PITPNM3: variants seen among roughly 807,000 people sequenced by gnomAD.
PITPNM3 encodes PITPNM family member 3.
In PITPNM3, 26 loss-of-function variants were observed where a neutral mutation model predicts 102.0. The ratio of observed to expected loss-of-function variants is 0.25; its 90% CI spans 0.19 to 0.35. The LOEUF (loss-of-function observed/expected upper bound fraction) is 0.35, where lower values mean the gene tolerates loss of function less well. Among genes scored for constraint, PITPNM3 ranks in the 10% least tolerant of loss-of-function variants. The pLI is 1.00. For synonymous variants in PITPNM3, 578 were observed against 558.6 expected (o/e 1.03, Z -0.49); for missense variants, 1,083 against 1,346.1 (o/e 0.80, Z 3.06).
At chr17:6,518,930 C>A (rs1470330959) in intron 3 of PITPNM3, among the ~76,000 whole-genome samples, 1 of 152,164 alleles carries the variant, frequency 6.6e-6, no homozygotes, top group Non-Finnish European at 1.5e-5. Context: ...CAGTCAGGAT[C>A]CAACCAGAAA....
In PITPNM3 at chr17:6,472,677, T is replaced by A. The variant is rs2150726704; in HGVS notation, c.1409A>T (p.Asp470Val). The change falls in exon 11 of 20, where the codon GAT becomes GTT. Residue 470 changes from aspartate to valine, a missense_variant. This residue lies in a region of PITPNM3 where 410 missense variants were observed against 638.4 expected (regional missense o/e 0.64). Transcript: ENST00000262483. The surrounding 1 kb of genome is among the most constrained non-coding windows in gnomAD (Gnocchi z 4.1). ...CCTACCGAGGAGGAGGGACTGCCCA[T>A]CGCCCAGTGGGAACCTCTGGTAGCG... Reference protein sequence around the residue: ...VPRYQRFPLGDGQSLLLADAL... With the variant: ...VPRYQRFPLGVGQSLLLADAL... 2 of 1,613,300 alleles carry A rather than the reference T, an allele frequency of 1.2e-6. No homozygotes were observed. Among genetic ancestry groups the A allele is most frequent in the Non-Finnish European group, 1.7e-6 (2 of 1,179,852 alleles).
In PITPNM3 at chr17:6,483,578, T is replaced by C; in HGVS notation, c.526A>G (p.Ile176Val). ...RAHFPAALGH[I>V]LIKFVPCPAI... ...GGACAGGGGACGAACTTGATGAGGA[T>C]GTGGCCCAGGGCAGCAGGGAAATGG... Residue 176 changes from isoleucine to valine, a missense_variant, in exon 6 of 20, where the codon ATC becomes GTC. Physicochemically the swap from Ile to Val is conservative, Grantham distance 29 (BLOSUM62 3). Coordinates refer to ENST00000262483, the MANE Select transcript of PITPNM3 (RefSeq NM_031220.4). The C allele has an allele frequency of 6.2e-7, 1 of 1,613,968 alleles. No individual in the cohort carries two copies. The highest frequency in any genetic ancestry group is 8.5e-7 in the Non-Finnish European group (1 of 1,179,984).
intron 4 of PITPNM3, among the ~76,000 whole-genome samples, chr17:6,496,578 C>T (rs560756122): frequency 7.9e-5 from 12 of 152,278 alleles, no homozygotes; most frequent in South Asian, 2.1e-4. Context: ...TTAATCCTCA[C>T]GCTTTTCATT....
At chr17:6,481,630 C>T (rs1905675343) in intron 6 of PITPNM3, 1 of 152,034 alleles carries the variant, frequency 6.6e-6, no homozygotes, top group African/African-American at 2.4e-5. Context: ...AAAAGTCACT[C>T]CTCCAGGAAG....
chr17:6,521,357 A>C (rs1422511629), intron 3 of PITPNM3: 3 of 152,250 alleles, frequency 2.0e-5, no homozygotes. Context: ...GGTTGCAGTG[A>C]GCCAAGATCA....
intron 3 of PITPNM3, among the ~76,000 whole-genome samples, chr17:6,525,093 C>T (rs1162738941): frequency 1.3e-5 from 2 of 152,184 alleles, no homozygotes; most frequent in Non-Finnish European, 2.9e-5. Context: ...TGCCATTAAC[C>T]ACCCGTGCCA....
rs913605352 is a variant in PITPNM3, at chr17:6,531,801, C to T, written c.118+6186G>A. Among the ~76,000 whole-genome samples the T allele has an allele frequency of 3.9e-5, 6 of 152,302 alleles. No homozygotes were observed. The South Asian group carries it at 8.3e-4, about 21-fold the overall frequency. ...CACTCTGGCCACACCAGCCTTCCTG[C>T]TGTTGCTCAAAGATGCCGAGCTTGG... On this transcript the variant is annotated intron_variant, in intron 2 of 19. Coordinates refer to ENST00000262483, the MANE Select transcript of PITPNM3 (RefSeq NM_031220.4).
At position 6,478,199 on chromosome 17, in the gene PITPNM3, T is replaced by C; in HGVS notation, c.778-102A>G. On this transcript the variant is annotated intron_variant, in intron 7 of 19. Transcript: ENST00000262483. This position sits in a 1 kb window ranked among gnomAD's most constrained non-coding sequence, Gnocchi z 4.4. ...GCCTCCCCACAGGAGAATGAGAAAC[T>C]CGTCCTTGGGAGGTGTTGAGAGAGC... The C allele has an allele frequency of 1.3e-6, 2 of 1,570,514 alleles. No individual in the cohort carries two copies. Among genetic ancestry groups the C allele is most frequent in the Non-Finnish European group, 1.7e-6 (2 of 1,158,984 alleles).
intron 3 of PITPNM3, among the ~76,000 whole-genome samples, chr17:6,516,339 G>A (rs554106976): frequency 8.6e-5 from 13 of 150,306 alleles, no homozygotes; most frequent in East Asian, 6.0e-4. Context: ...CATGGCGGGC[G>A]GATCATGAGG....
chr17:6,555,396 C>T (rs1479570527), intron 1 of PITPNM3, among the ~76,000 whole-genome samples: 2 of 152,202 alleles, frequency 1.3e-5, no homozygotes, highest in Non-Finnish European at 2.9e-5. Context: ...CTGTCGCGCC[C>T]GGTCCTGGGG....
At chr17:6,538,130 G>T in intron 1 of PITPNM3, 48 bp from the exon 2 acceptor site, 1 of 1,436,320 alleles carries the variant, frequency 7.0e-7, no homozygotes, top group Non-Finnish European at 9.8e-7. Flanking sequence ...TGTTGTCCCA[G>T]TATGAGGGAG....
chr17:6,502,038 T>A (rs929301129), intron 4 of PITPNM3, among the ~76,000 whole-genome samples: 1 of 152,226 alleles, frequency 6.6e-6, no homozygotes, highest in Non-Finnish European at 1.5e-5. Flanking sequence ...CCCTGCCCTT[T>A]CCATGGCCTG....
At chr17:6,488,583 C>A (rs561167732) in intron 4 of PITPNM3, among the ~76,000 whole-genome samples, 9 of 152,246 alleles carry the variant, frequency 5.9e-5, no homozygotes, top group Admixed American at 3.9e-4. Flanking sequence ...GCCATTAAAC[C>A]CCCAGGAGAA....
rs1905353093 is a variant in PITPNM3, at chr17:6,477,169, G to C, written c.945C>G (p.Ser315Arg). 1 of 1,614,050 alleles carries C rather than the reference G, an allele frequency of 6.2e-7. No homozygotes were observed. The highest frequency in any genetic ancestry group is 8.5e-7 in the Non-Finnish European group (1 of 1,180,048). Reference sequence around the variant, plus strand: ...CAATGTTGCTTTTGCTGAGACGCTTGCTGCTGGCCAGGCTGCAATCTTCCT... The same window carrying C: ...CAATGTTGCTTTTGCTGAGACGCTTCCTGCTGGCCAGGCTGCAATCTTCCT... ...AVEEDCSLASSKRLSKSNIDI... is the reference protein window; with the variant it reads ...AVEEDCSLASRKRLSKSNIDI... Residue 315 changes from serine (S) to arginine (R), a missense_variant, in exon 9 of 20, where the codon AGC becomes AGG. Physicochemically the swap from Ser to Arg is moderately radical, Grantham distance 110. Transcript: ENST00000262483.
At chr17:6,527,123 G>T (rs1567688761) in intron 2 of PITPNM3, among the ~76,000 whole-genome samples, 2 of 152,208 alleles carry the variant, frequency 1.3e-5, no homozygotes, top group Non-Finnish European at 2.9e-5. Context: ...ACGACTCAGG[G>T]TCTATAGCTC....
rs1238854373 is a variant in PITPNM3, at chr17:6,537,240, C to T, written c.118+747G>A. 1.3e-5 allele frequency among the ~76,000 whole-genome samples: 2 copies of T among 149,746 alleles called. No individual in the cohort carries two copies. Among genetic ancestry groups the T allele is most frequent in the Non-Finnish European group, 3.0e-5 (2 of 67,628 alleles). ...TGGCACTCCCTGCATCTATGAGGCT[C>T]ATTTATTTTTTCTTTCTTTTTTTTT... On this transcript the variant is annotated intron_variant, in intron 2 of 19. Coordinates refer to ENST00000262483, the MANE Select transcript of PITPNM3 (RefSeq NM_031220.4). The surrounding 1 kb of genome is among the most constrained non-coding windows in gnomAD (Gnocchi z 4.4).
intron 14 of PITPNM3, among the ~76,000 whole-genome samples, chr17:6,466,824 A>G (rs893476239): frequency 2.0e-5 from 3 of 152,168 alleles, no homozygotes; most frequent in Admixed American, 2.0e-4. Flanking sequence ...AGCATTATTC[A>G]TAGTAGCCGA....
At chr17:6,538,964 G>C (rs944222007) in intron 1 of PITPNM3, among the ~76,000 whole-genome samples, 1 of 152,162 alleles carries the variant, frequency 6.6e-6, no homozygotes, top group Non-Finnish European at 1.5e-5. Context: ...CCTGAGTCCA[G>C]ATCCCAGAGC....
In PITPNM3 at chr17:6,478,014, A is replaced by C. The variant is rs1905416475; in HGVS notation, c.861T>G (p.Pro287=). The C allele has an allele frequency of 6.2e-7, 1 of 1,613,530 alleles. No individual in the cohort carries two copies. The highest frequency in any genetic ancestry group is 8.5e-7 in the Non-Finnish European group (1 of 1,180,030). Residue 287 remains proline (P), a synonymous_variant, in exon 8 of 20, where the codon CCT becomes CCG. Transcript: ENST00000262483. This position sits in a 1 kb window ranked among gnomAD's most constrained non-coding sequence, Gnocchi z 4.4. ...CYSAGPSGDS[P]ASSSRKGSIS... is the part of the protein sequence containing the mutation. The stretch of plus-strand genomic sequence containing the variant: ...TGCTCCCCTTCCGGCTGCTGCTGGC[A>C]GGGCTGTCCCCTGAGGGCCCCGCAC...
Sources: gnomAD v4.1 joint callset for allele counts (sites outside exome capture counted in the v4.1 genomes callset) on GRCh38, gnomAD v4.1.1 for gene constraint, gnomAD v4.1.1 regional missense constraint, Gnocchi (gnomAD v3.1) non-coding constraint, MANE v1.5 for transcripts, NCBI Gene and HGNC (gene_info 2026-07-23, HGNC 2026-07-21) for gene names.